GUSB: variants seen among roughly 807,000 people sequenced by gnomAD.
GUSB encodes the protein beta-glucuronidase.
Under a neutral mutation model 74.6 loss-of-function variants are expected in GUSB, and 51 were observed. The observed-to-expected ratio is 0.68, with a 90% confidence interval of 0.55 to 0.86. The LOEUF (loss-of-function observed/expected upper bound fraction) is 0.86. Among genes scored for constraint, GUSB ranks in the 40% least tolerant of loss-of-function variants. The pLI is 0.00. For missense variants in GUSB, 736 were observed against 853.7 expected (o/e 0.86, Z 1.72); for synonymous variants, 360 against 348.3 (o/e 1.03, Z -0.37).
In GUSB at chr7:65,971,809, G is replaced by A. The variant is rs111914905; in HGVS notation, c.1392-1443C>T. Among the ~76,000 whole-genome samples the A allele has an allele frequency of 2.8e-4, 43 of 152,006 alleles. 1 individual carries two copies. The highest frequency in any genetic ancestry group is 1.0e-3 in the African/African-American group (42 of 41,466). Reference sequence around the variant, plus strand: ...TGGCCCCAGCTATTTGGGAGGCTGAGGCAGGCAGATAACCTGAGGTTGGGA... The same window carrying A: ...TGGCCCCAGCTATTTGGGAGGCTGAAGCAGGCAGATAACCTGAGGTTGGGA... On this transcript the variant is annotated intron_variant, in intron 8 of 11. Transcript: ENST00000304895.
rs1403349158 is a variant in GUSB, at chr7:65,982,189, C to T, written c.-6G>A. The stretch of plus-strand genomic sequence containing the variant: ...ACCGCCGACCCCCGGGCCATGCTTC[C>T]CGGTCCCCCGCTCGGCCACCGTCTG... On this transcript the variant is annotated 5_prime_UTR_variant, in exon 1 of 12. Coordinates refer to ENST00000304895, the MANE Select transcript of GUSB (RefSeq NM_000181.4). The T allele has an allele frequency of 1.3e-6, 2 of 1,504,840 alleles. No individual in the cohort carries two copies. Among genetic ancestry groups the T allele is most frequent in the Admixed American group, 4.1e-5 (2 of 48,720 alleles). 93.2% of individuals were successfully genotyped at this position (1,504,840 alleles called of 1,614,324 possible).
Position 65,982,136 on chromosome 7 carries a change from C to G in GUSB, c.48G>C (p.Leu16Phe). The G allele has an allele frequency of 6.4e-7, 1 of 1,554,086 alleles. No homozygotes were observed. The change falls in exon 1 of 12, where the codon TTG becomes TTC. Residue 16 changes from leucine to phenylalanine, a missense_variant. By Grantham distance (22) the Leu-to-Phe change is conservative. Around this residue, in one of 2 missense-constraint regions of GUSB, gnomAD observed 368 missense variants for 363.8 expected, o/e 1.01. Transcript: ENST00000304895. Reference protein sequence around the residue: ...AVAWAALGPLLWGCALGLQGG... With the variant: ...AVAWAALGPLFWGCALGLQGG... ...CCTGCAGCCCCAGCGCGCAGCCCCA[C>G]AACAACGGCCCGAGCGCCGCCCAGG...
intron 11 of GUSB, among the ~76,000 whole-genome samples, chr7:65,961,852 A>G (rs1289315576): frequency 4.6e-5 from 7 of 152,094 alleles, no homozygotes. Flanking sequence ...AAATACAAAA[A>G]TTATACAGGC....
chr7:65,966,151 C>T (rs960500017), intron 10 of GUSB, among the ~76,000 whole-genome samples: 3 of 150,800 alleles, frequency 2.0e-5, no homozygotes, highest in East Asian at 1.9e-4. Context: ...GCCTAGGCAA[C>T]GAGAGCGAAA....
chr7:65,968,136 T>C (rs1442371767), intron 9 of GUSB, among the ~76,000 whole-genome samples: 1 of 147,636 alleles, frequency 6.8e-6, no homozygotes, highest in Non-Finnish European at 1.5e-5. Flanking sequence ...CTCATGCCTG[T>C]AATCCCAGCA....
At chr7:65,977,752 T>C (rs76529997) in intron 4 of GUSB, among the ~76,000 whole-genome samples, 5,434 of 151,688 alleles carry the variant, frequency 0.036, 151 homozygotes, top group East Asian at 0.086. Flanking sequence ...ACCACTGCAC[T>C]CCAGCCTGGG....
chr7:65,979,777 G>T lies in GUSB; in HGVS notation c.531C>A (p.Thr177=), dbSNP rs1392513223. The part of the protein sequence containing the change: ...RITIAINNTL[T]PTTLPPGTIQ... ...TGGTCCCTGGTGGCAGGGTGGTGGG[G>T]GTGAGTGTGTTGTTGATGGCGATAG... The change falls in exon 3 of 12, where the codon ACC becomes ACA. Residue 177 remains threonine (T), a synonymous_variant. Coordinates refer to ENST00000304895, the MANE Select transcript of GUSB (RefSeq NM_000181.4). 6.2e-7 allele frequency: 1 copy of T among 1,613,844 alleles called. No homozygotes were observed. The highest frequency in any genetic ancestry group is 8.5e-7 in the Non-Finnish European group (1 of 1,180,008).
intron 8 of GUSB, among the ~76,000 whole-genome samples, chr7:65,971,314 T>G (rs1233265772): frequency 6.6e-6 from 1 of 152,122 alleles, no homozygotes; most frequent in East Asian, 1.9e-4. Context: ...TGCAGAGAAA[T>G]GGTGCAAGTG....
intron 11 of GUSB, 58 bp from the exon 12 acceptor site, chr7:65,961,121 A>G (rs1790466546): frequency 1.3e-6 from 2 of 1,514,612 alleles, no homozygotes; most frequent in Non-Finnish European, 9.2e-7. Flanking sequence ...GGGTCAAGTT[A>G]GAACCAGTCT....
chr7:65,981,916 T>TC, intron 1 of GUSB, 58 bp downstream of exon 1: 1 of 1,418,380 alleles, frequency 7.1e-7, no homozygotes. Context: ...GGGCCCGGGC[T>TC]CCCCTACTCC....
At chr7:65,979,692 GT>G in intron 3 of GUSB, 34 bp downstream of exon 3, 1 of 1,604,238 alleles carries the variant, frequency 6.2e-7, no homozygotes. Context: ...GGGCGGGAAG[GT>G]GGGTGTGTGC....
intron 11 of GUSB, among the ~76,000 whole-genome samples, chr7:65,962,486 A>G (rs1245530249): frequency 1.3e-5 from 2 of 152,222 alleles, no homozygotes; most frequent in Admixed American, 1.3e-4. Context: ...TTACGACACC[A>G]ACAAGGAGGT....
In GUSB at chr7:65,974,942, C is replaced by T. The variant is rs531607427; in HGVS notation, c.1042G>A (p.Val348Ile). 1.2e-6 allele frequency: 2 copies of T among 1,613,946 alleles called. No individual in the cohort carries two copies. Among genetic ancestry groups the T allele is most frequent in the African/African-American group, 1.3e-5 (1 of 75,050 alleles). Residue 348 changes from valine (V) to isoleucine (I), a missense_variant, in exon 6 of 12, where the codon GTC (valine) becomes ATC (isoleucine). Coordinates refer to ENST00000304895, the MANE Select transcript of GUSB (RefSeq NM_000181.4). Reference protein sequence around the residue: ...INGKPFYFHGVNKHEDADIRG... With the variant: ...INGKPFYFHGINKHEDADIRG... ...ACGTCCGCATCCTCATGCTTGTTGA[C>T]ACCGTGGAAATAGAAAGGTTTCCCA...
At chr7:65,974,755 C>T (rs1331358233) in intron 6 of GUSB, 51 bp from the exon 7 acceptor site, 2 of 1,599,812 alleles carry the variant, frequency 1.3e-6, no homozygotes, top group Admixed American at 1.7e-5. Context: ...AGCTGCACTT[C>T]CTCTGAGAGC....
chr7:65,963,393 TC>T (rs1373322969), intron 11 of GUSB, among the ~76,000 whole-genome samples: 1 of 152,120 alleles, frequency 6.6e-6, no homozygotes, highest in Non-Finnish European at 1.5e-5. Flanking sequence ...GTATTATAAT[TC>T]CCACCATTAC....
intron 1 of GUSB, among the ~76,000 whole-genome samples, chr7:65,981,125 C>T (rs978876496): frequency 2.6e-5 from 4 of 151,530 alleles, no homozygotes; most frequent in African/African-American, 4.9e-5. Flanking sequence ...CAGTAATCAG[C>T]GCTTTGGGAG....
intron 8 of GUSB, among the ~76,000 whole-genome samples, chr7:65,973,331 G>A (rs1436603513): frequency 3.3e-5 from 5 of 152,202 alleles, no homozygotes; most frequent in African/African-American, 1.2e-4. Flanking sequence ...GCTCACGCCT[G>A]TAATCCGAGC....
At position 65,980,334 on chromosome 7, in the gene GUSB, C is replaced by T. The variant is rs763344202; in HGVS notation, c.286G>A (p.Val96Ile). ...ISQDWRLRHF[V>I]GWVWYEREVI... ...TCCCGTTCGTACCACACCCAGCCGACAAAATGCCGCAGACGCCAGTCCTGG... is the reference window on the plus strand; with the variant it reads ...TCCCGTTCGTACCACACCCAGCCGATAAAATGCCGCAGACGCCAGTCCTGG... The change falls in exon 2 of 12, where the codon GTC becomes ATC. Residue 96 changes from valine (V) to isoleucine (I), a missense_variant. Coordinates refer to ENST00000304895, the MANE Select transcript of GUSB (RefSeq NM_000181.4). 2 of 1,613,792 alleles carry T rather than the reference C, an allele frequency of 1.2e-6. No homozygotes were observed. The highest frequency in any genetic ancestry group is 1.3e-5 in the African/African-American group (1 of 74,924).
chr7:65,968,130 T>C (rs1790957534), intron 9 of GUSB, among the ~76,000 whole-genome samples: 1 of 150,064 alleles, frequency 6.7e-6, no homozygotes, highest in Non-Finnish European at 1.5e-5. Context: ...CGGTGGCTCA[T>C]GCCTGTAATC....
Sources: gnomAD v4.1 joint callset for allele counts (sites outside exome capture counted in the v4.1 genomes callset) on GRCh38, gnomAD v4.1.1 for gene constraint, gnomAD v4.1.1 regional missense constraint, MANE v1.5 for transcripts, NCBI Gene and HGNC (gene_info 2026-07-23, HGNC 2026-07-21) for gene names.